NF2: variants seen among roughly 807,000 people sequenced by gnomAD.
The protein encoded by NF2 is merlin.
In NF2, 8 loss-of-function variants were observed where a neutral mutation model predicts 83.7. That is an observed-to-expected ratio of 0.10 (90% CI 0.06 to 0.17). The LOEUF (loss-of-function observed/expected upper bound fraction) is 0.17, where lower values mean the gene tolerates loss of function less well. Ranked by LOEUF, NF2 falls within the 10% of genes least tolerant of loss-of-function variation. The pLI is 1.00. For synonymous variants in NF2, 266 were observed against 269.6 expected (o/e 0.99, Z 0.13); for missense variants, 533 against 744.4 (o/e 0.72, Z 3.31).
At chr22:29,650,510 T>C (rs1387635107) in intron 4 of NF2, among the ~76,000 whole-genome samples, 2 of 145,606 alleles carry the variant, frequency 1.4e-5, no homozygotes, top group Non-Finnish European at 3.1e-5. Context: ...ACTGTATTGT[T>C]TGTTTGTTTC....
In NF2 at chr22:29,671,944, C is replaced by T. The variant is rs2147074184; in HGVS notation, c.1118C>T (p.Ala373Val). The T allele has an allele frequency of 1.2e-6, 2 of 1,614,190 alleles. No homozygotes were observed. The highest frequency in any genetic ancestry group is 1.7e-6 in the Non-Finnish European group (2 of 1,180,032). Reference protein sequence around the residue: ...MKEEATMANEALMRSEETADL... With the variant: ...MKEEATMANEVLMRSEETADL... ...GAAGAAGCAACAATGGCCAACGAAG[C>T]ACTGGTGATTTCTGAGGGGCTGGGG... Residue 373 changes from alanine (A) to valine (V), a missense_variant, in exon 11 of 16, where the codon GCA becomes GTA. Transcript: ENST00000338641.
Position 29,629,490 on chromosome 22 carries a change from G to A in NF2, c.115-7261G>A, listed in dbSNP as rs553675999. Reference sequence around the variant, plus strand: ...AAATTCTCAAGTCTCCTATAAACCTGTTCTCTTAGGCCAGCTATGGCTGCA... The same window carrying A: ...AAATTCTCAAGTCTCCTATAAACCTATTCTCTTAGGCCAGCTATGGCTGCA... On this transcript the variant is annotated intron_variant, in intron 1 of 15. Coordinates refer to ENST00000338641, the MANE Select transcript of NF2 (RefSeq NM_000268.4). Among the ~76,000 whole-genome samples, 8 of 152,312 alleles carry A rather than the reference G, an allele frequency of 5.3e-5. No homozygotes were observed. In the South Asian group the frequency reaches 1.7e-3, roughly 32 times the overall value.
At chr22:29,642,321 C>T (rs771003041) in intron 4 of NF2, 36 bp downstream of exon 4, 13 of 1,563,584 alleles carry the variant, frequency 8.3e-6, no homozygotes, top group Admixed American at 3.4e-5. Context: ...TTTTCCTGGG[C>T]GTTAATTTGG....
chr22:29,674,959 C>T lies in NF2; in HGVS notation c.1446+18C>T, dbSNP rs2066917074. The stretch of plus-strand genomic sequence containing the variant: ...CGTACCCGGTGAGCCTGGGGGCCAC[C>T]AGCTGGGGCTGCCTTAGTCCTGGTG... On this transcript the variant is annotated intron_variant, in intron 13 of 15. Transcript: ENST00000338641. 1 of 1,549,410 alleles carries T rather than the reference C, an allele frequency of 6.5e-7. No individual in the cohort carries two copies. Among genetic ancestry groups the T allele is most frequent in the African/African-American group, 1.4e-5 (1 of 73,260 alleles).
intron 1 of NF2, among the ~76,000 whole-genome samples, chr22:29,631,331 T>C (rs1413512954): frequency 6.6e-6 from 1 of 152,098 alleles, no homozygotes; most frequent in African/African-American, 2.4e-5. Context: ...AAGATACAGC[T>C]CAAACAGCAT....
rs2067516262 is a variant in NF2, at chr22:29,695,228, A to G, written c.*426A>G. Reference sequence around the variant, plus strand: ...CCCACCCCGCCCAGGGTTCCGGAACATTCATTCCCCCACCGGTGAGGACCT... The same window carrying G: ...CCCACCCCGCCCAGGGTTCCGGAACGTTCATTCCCCCACCGGTGAGGACCT... On this transcript the variant is annotated 3_prime_UTR_variant, in exon 16 of 16. Coordinates refer to ENST00000338641, the MANE Select transcript of NF2 (RefSeq NM_000268.4). The surrounding 1 kb of genome is among the most constrained non-coding windows in gnomAD (Gnocchi z 5.4). 2.7e-6 allele frequency: 1 copy of G among 365,504 alleles called. No homozygotes were observed. The highest frequency in any genetic ancestry group is 2.0e-5 in the African/African-American group (1 of 50,106). The allele number at this position is 365,504 out of a possible 1,614,324, so 22.6% of individuals were successfully genotyped here.
intron 14 of NF2, among the ~76,000 whole-genome samples, chr22:29,681,190 T>G (rs2067123234): frequency 6.6e-6 from 1 of 152,052 alleles, no homozygotes; most frequent in Non-Finnish European, 1.5e-5. Flanking sequence ...GTGCCTGGCC[T>G]CCTACACTGT....
chr22:29,686,362 G>A (rs1164364388), intron 15 of NF2, among the ~76,000 whole-genome samples: 7 of 152,210 alleles, frequency 4.6e-5, no homozygotes, highest in Admixed American at 1.3e-4. Flanking sequence ...ATAATTGGCC[G>A]GGCACAGTGG....
intron 1 of NF2, among the ~76,000 whole-genome samples, chr22:29,620,195 G>T (rs961623786): frequency 6.6e-6 from 1 of 152,104 alleles, no homozygotes; most frequent in African/African-American, 2.4e-5. Context: ...GGAGGTGAGG[G>T]TTGCAGTGAG....
chr22:29,646,950 T>G (rs1027419322), intron 4 of NF2, among the ~76,000 whole-genome samples: 4 of 151,054 alleles, frequency 2.6e-5, no homozygotes, highest in African/African-American at 9.8e-5. Context: ...ACAGGAGGAT[T>G]GCTTGAACCT....
At chr22:29,657,732 C>T (rs962761544) in intron 6 of NF2, among the ~76,000 whole-genome samples, 2 of 152,202 alleles carry the variant, frequency 1.3e-5, no homozygotes, top group African/African-American at 4.8e-5. Flanking sequence ...TTGCCCTAAC[C>T]TCCAACAATA....
chr22:29,609,001 C>T (rs2064878638), intron 1 of NF2: 4 of 671,290 alleles, frequency 6.0e-6, no homozygotes, highest in African/African-American at 1.8e-5. Flanking sequence ...CGATTATCTC[C>T]ACCGGAATGT....
intron 1 of NF2, among the ~76,000 whole-genome samples, chr22:29,624,807 TTCTTTC>T (rs1158545044): frequency 2.8e-4 from 10 of 36,262 alleles, no homozygotes; most frequent in Non-Finnish European, 1.8e-4. Flanking sequence ...TCCTCTTTCT[TTCTTTC>T]TTTCTTTCTT....
chr22:29,664,144 G>C (rs2066550530), intron 8 of NF2, among the ~76,000 whole-genome samples: 1 of 152,058 alleles, frequency 6.6e-6, no homozygotes, highest in South Asian at 2.1e-4. Flanking sequence ...GGTCTGCTCT[G>C]TTGCCCAGCC....
intron 6 of NF2, among the ~76,000 whole-genome samples, chr22:29,656,151 C>T (rs2066300706): frequency 6.6e-6 from 1 of 151,806 alleles, no homozygotes; most frequent in Non-Finnish European, 1.5e-5. Context: ...GTTACCCAGG[C>T]TGGTCTTCAA....
chr22:29,683,172 C>G, intron 15 of NF2: 3 of 1,612,302 alleles, frequency 1.9e-6, no homozygotes, highest in Non-Finnish European at 1.7e-6. Flanking sequence ...TGAGCCCTTA[C>G]GAGGGCAGGT....
intron 1 of NF2, among the ~76,000 whole-genome samples, chr22:29,630,338 C>T (rs766430794): frequency 1.4e-4 from 21 of 152,206 alleles, no homozygotes; most frequent in Non-Finnish European, 2.6e-4. Flanking sequence ...TGATAAATTA[C>T]AAGCCCTTCA....
intron 11 of NF2, 41 bp from the exon 12 acceptor site, chr22:29,673,228 G>T: frequency 1.3e-6 from 2 of 1,546,300 alleles, no homozygotes; most frequent in Non-Finnish European, 1.8e-6. Context: ...CGGGAGAACA[G>T]CACATGATCC....
chr22:29,679,795 G>C (rs953839074), intron 14 of NF2, among the ~76,000 whole-genome samples: 2 of 151,816 alleles, frequency 1.3e-5, no homozygotes, highest in African/African-American at 4.8e-5. Context: ...GAGCCTGGGA[G>C]GCAGAGGTTG....
Sources: allele counts gnomAD v4.1 joint callset (sites outside exome capture counted in the v4.1 genomes callset), GRCh38; gene constraint gnomAD v4.1.1; non-coding constraint Gnocchi (gnomAD v3.1); transcripts MANE v1.5; gene names NCBI Gene and HGNC (gene_info 2026-07-23, HGNC 2026-07-21).